STS: variants seen among roughly 807,000 people sequenced by gnomAD.
STS encodes the protein steryl-sulfatase.
In STS, 7 loss-of-function variants were observed where a neutral mutation model predicts 26.8. The ratio of observed to expected loss-of-function variants is 0.26; its 90% CI spans 0.15 to 0.49. STS has a LOEUF of 0.49. Among genes scored for constraint, STS ranks in the 20% least tolerant of loss-of-function variants. The pLI is 0.98. For synonymous variants in STS, 199 were observed against 189.4 expected, an observed-to-expected ratio of 1.05 and a Z score of -0.42; for missense variants, 434 against 465.6, an observed-to-expected ratio of 0.93 and a Z score of 0.63.
intron 8 of STS, among the ~76,000 whole-genome samples, chrX:7,319,979 T>C (rs1198401955): frequency 5.8e-5 from 5 of 86,704 alleles, no homozygotes; most frequent in Non-Finnish European, 1.0e-4. Flanking sequence ...TATATATATG[T>C]ATATATATTT....
At chrX:7,308,353 A>G (rs1191596751) in intron 8 of STS, among the ~76,000 whole-genome samples, 2 of 112,160 alleles carry the variant, frequency 1.8e-5, no homozygotes, top group African/African-American at 6.5e-5. Flanking sequence ...TTGGAGAGTA[A>G]TAGTTACTTA....
chrX:7,276,200 A>T, intron 7 of STS, 113 bp downstream of exon 7: 1 of 1,022,573 alleles, frequency 9.8e-7, no homozygotes, highest in Admixed American at 2.4e-5. Flanking sequence ...CAGCAAATGT[A>T]TGGGGTTTTT....
At chrX:7,282,184 TG>T (rs1924897031) in intron 7 of STS, among the ~76,000 whole-genome samples, 1 of 87,365 alleles carries the variant, frequency 1.1e-5, no homozygotes, top group Non-Finnish European at 2.3e-5. Context: ...AAGTGGTAAA[TG>T]GTTTGTTTGT....
intron 2 of STS, among the ~76,000 whole-genome samples, chrX:7,238,178 G>GTAGATAGA (rs56331051): frequency 0.012 from 1,121 of 91,138 alleles, 3 homozygotes; most frequent in Middle Eastern, 0.017. Flanking sequence ...AATGCGTGGT[G>GTAGATAGA]TAGATAGATA....
At chrX:7,318,117 A>T (rs1474135198) in intron 8 of STS, among the ~76,000 whole-genome samples, 1 of 111,703 alleles carries the variant, frequency 9.0e-6, no homozygotes, top group Non-Finnish European at 1.9e-5. Flanking sequence ...AGAGTTAATA[A>T]AGTCACGAGT....
chrX:7,257,163 G>C, intron 3 of STS, 79 bp from the exon 4 acceptor site: 3 of 1,169,793 alleles, frequency 2.6e-6, no homozygotes, highest in Admixed American at 2.2e-5. Context: ...CTGGGTGACA[G>C]AGTGAGATCC....
chrX:7,267,842 T>C (rs1398396042), intron 6 of STS, among the ~76,000 whole-genome samples: 8 of 112,266 alleles, frequency 7.1e-5, no homozygotes, highest in African/African-American at 2.6e-4. Flanking sequence ...GATATTTTAA[T>C]TAGAAGTTCA....
At chrX:7,299,077 T>A (rs1298679031) in intron 7 of STS, among the ~76,000 whole-genome samples, 2 of 93,279 alleles carry the variant, frequency 2.1e-5, no homozygotes, top group African/African-American at 7.8e-5. Flanking sequence ...ATATATAAAT[T>A]ATTTTATAAT....
rs1277446673 is a variant in STS at position 7,250,727 on chromosome X, T to G, written c.-4-2469T>G. Among the ~76,000 whole-genome samples, 4 of 112,708 alleles carry G rather than the reference T, an allele frequency of 3.5e-5. No homozygotes were observed. In the Admixed American group the frequency reaches 3.8e-4, roughly 11 times the overall value. On this transcript the variant is annotated intron_variant, in intron 2 of 10. Coordinates refer to ENST00000674429, the MANE Select transcript of STS (RefSeq NM_001320752.2). Reference sequence around the variant, plus strand: ...TGTTAAATTCAAGATACCAGATATATGTCTGTATGGAGACCTTAATTCAGT... The same window carrying G: ...TGTTAAATTCAAGATACCAGATATAGGTCTGTATGGAGACCTTAATTCAGT...
At chrX:7,263,320 C>T (rs748796759) in intron 6 of STS, among the ~76,000 whole-genome samples, 1 of 112,538 alleles carries the variant, frequency 8.9e-6, no homozygotes, top group South Asian at 3.7e-4. Flanking sequence ...CCACCCGCCT[C>T]GGCCTCTCGA....
chrX:7,234,592 T>G (rs1173729524), intron 2 of STS, among the ~76,000 whole-genome samples: 1 of 112,031 alleles, frequency 8.9e-6, no homozygotes, highest in African/African-American at 3.2e-5. Flanking sequence ...TCTGGCCTCT[T>G]AGCTCACTGT....
chrX:7,205,955 T>C (rs1454386840), intron 2 of STS, among the ~76,000 whole-genome samples: 2 of 110,762 alleles, frequency 1.8e-5, no homozygotes, highest in East Asian at 5.7e-4. Flanking sequence ...CATTGCATAA[T>C]TGTCTTGTAC....
intron 2 of STS, among the ~76,000 whole-genome samples, chrX:7,244,296 T>A (rs1488829642): frequency 2.7e-5 from 3 of 112,011 alleles, no homozygotes; most frequent in Non-Finnish European, 5.6e-5. Flanking sequence ...TTGAAGAGCC[T>A]TTTTGGAGAT....
chrX:7,345,377 A>G (rs142826729), intron 10 of STS, among the ~76,000 whole-genome samples: 390 of 111,614 alleles, frequency 3.5e-3, no homozygotes, highest in Non-Finnish European at 5.6e-3. Flanking sequence ...CTTTTAATCT[A>G]TAACCAAGAT....
chrX:7,326,667 T>A (rs111484462), intron 9 of STS, among the ~76,000 whole-genome samples: 2,372 of 112,016 alleles, frequency 0.021, 49 homozygotes, highest in African/African-American at 0.07. Flanking sequence ...ATCTGAAGAG[T>A]TTTAAGTGAA....
At chrX:7,164,559 GC>G (rs1480821035) in intron 1 of STS, among the ~76,000 whole-genome samples, 1 of 110,974 alleles carries the variant, frequency 9.0e-6, no homozygotes, top group Admixed American at 9.6e-5. Context: ...GTAGCTCCCA[GC>G]CCCCACTTCC....
intron 8 of STS, among the ~76,000 whole-genome samples, chrX:7,312,214 A>G: frequency 9.0e-6 from 1 of 111,327 alleles, no homozygotes; most frequent in East Asian, 2.8e-4. Context: ...TCATCCTTCC[A>G]TCTCATCTTT....
intron 10 of STS, among the ~76,000 whole-genome samples, chrX:7,341,660 G>A (rs1477080536): frequency 8.9e-6 from 1 of 111,835 alleles, no homozygotes; most frequent in Non-Finnish European, 1.9e-5. Flanking sequence ...GTGATTTCAG[G>A]CAGGATGCTC....
At chrX:7,224,886 A>G (rs1324132230) in intron 2 of STS, among the ~76,000 whole-genome samples, 4 of 112,032 alleles carry the variant, frequency 3.6e-5, no homozygotes, top group Non-Finnish European at 7.5e-5. Context: ...CTTGCTTCCA[A>G]CTTTATTTTG....
Sources: gnomAD v4.1 joint callset for allele counts (sites outside exome capture counted in the v4.1 genomes callset) on GRCh38, gnomAD v4.1.1 for gene constraint, MANE v1.5 for transcripts, NCBI Gene and HGNC (gene_info 2026-07-23, HGNC 2026-07-21) for gene names.